Variants in EGLN3 observed in about 807,000 individuals in gnomAD.
EGLN3 encodes prolyl hydroxylase EGLN3.
Under a neutral mutation model 26.0 loss-of-function variants are expected in EGLN3, and 15 were observed. The observed-to-expected ratio is 0.58, with a 90% CI of 0.39 to 0.89. The LOEUF (loss-of-function observed/expected upper bound fraction) is 0.89, where lower values mean the gene tolerates loss of function less well. Among genes scored for constraint, EGLN3 ranks in the 40% least tolerant of loss-of-function variants. EGLN3 has a pLI of 0.00. For missense variants in EGLN3, 238 were observed against 311.6 expected (o/e 0.76, Z 1.78); for synonymous variants, 147 against 127.2 (o/e 1.16, Z -1.05).
In EGLN3 at chr14:33,950,979, A is replaced by C; in HGVS notation, c.-227T>G. 3.6e-6 allele frequency: 2 copies of C among 555,766 alleles called. No homozygotes were observed. Among genetic ancestry groups the C allele is most frequent in the Non-Finnish European group, 6.4e-6 (2 of 314,946 alleles). 34.4% of individuals were successfully genotyped at this position (555,766 alleles called of 1,614,324 possible). A position where few individuals can be genotyped will look rare whatever the true frequency, so the allele number is the denominator to read the frequency against. On this transcript the variant is annotated 5_prime_UTR_variant, in exon 1 of 5. Transcript: ENST00000250457. The stretch of plus-strand genomic sequence containing the variant: ...AGCGGGAGTGGTGCGGAGCTCCACG[A>C]CCCGTTTCCGGACTGGCCCGGCGAG...
intron 1 of EGLN3, among the ~76,000 whole-genome samples, chr14:33,933,798 G>A (rs1215980218): frequency 3.3e-5 from 5 of 151,874 alleles, no homozygotes; most frequent in Admixed American, 6.6e-5. Context: ...AACAAACTCC[G>A]GAAACAGATC....
chr14:33,929,225 A>G lies in EGLN3; in HGVS notation c.478-13T>C. Reference sequence around the variant, plus strand: ...TCCCACCATGTAGCTGAAAGACACAAAGAAGGGGGATTATTTCTTACCTCT... The same window carrying G: ...TCCCACCATGTAGCTGAAAGACACAGAGAAGGGGGATTATTTCTTACCTCT... On this transcript the variant is annotated splice_polypyrimidine_tract_variant and intron_variant, in intron 2 of 4. Transcript: ENST00000250457. 1 of 1,613,644 alleles carries G rather than the reference A, an allele frequency of 6.2e-7. No individual in the cohort carries two copies. The highest frequency in any genetic ancestry group is 8.5e-7 in the Non-Finnish European group (1 of 1,179,818).
At position 33,927,251 on chromosome 14, in the gene EGLN3, C is replaced by T. The variant is rs572370310; in HGVS notation, c.615-218G>A. ...AGGCGTGATCTCGGCTCACTGCAACCTCCACTTCCCAGGTTCAAGCGATTC... is the reference window on the plus strand; with the variant it reads ...AGGCGTGATCTCGGCTCACTGCAACTTCCACTTCCCAGGTTCAAGCGATTC... On this transcript the variant is annotated intron_variant, in intron 3 of 4. Transcript: ENST00000250457. Among the ~76,000 whole-genome samples, 5 of 151,860 alleles carry T rather than the reference C, an allele frequency of 3.3e-5. No homozygotes were observed. In the South Asian group the frequency reaches 1.0e-3, roughly 32 times the overall value.
intron 1 of EGLN3, 169 bp from the exon 2 acceptor site, chr14:33,931,384 G>T: frequency 1.1e-6 from 1 of 904,080 alleles, no homozygotes; most frequent in Non-Finnish European, 1.6e-6. Context: ...ACTCTTCTGT[G>T]CACAATGGCC....
At position 33,925,893 on chromosome 14, in the gene EGLN3, A is replaced by G; in HGVS notation, c.718T>C (p.Ter240ArgextTer12). ...GGCCAGCAGATTTCAGAGCACGGTCAGTCTTCAGTGAGGGCAGATTCAGTT... is the reference window on the plus strand; with the variant it reads ...GGCCAGCAGATTTCAGAGCACGGTCGGTCTTCAGTGAGGGCAGATTCAGTT... ...RKTESALTED[*>R] Residue 240 changes from the stop codon to arginine (R), a stop_lost, in exon 5 of 5, where the codon TGA becomes CGA. Transcript: ENST00000250457. The G allele has an allele frequency of 6.2e-7, 1 of 1,614,002 alleles. No individual in the cohort carries two copies. Among genetic ancestry groups the G allele is most frequent in the Non-Finnish European group, 8.5e-7 (1 of 1,179,928 alleles).
At position 33,925,778 on chromosome 14, in the gene EGLN3, A is replaced by C. The variant is rs1594373011; in HGVS notation, c.*113T>G. 1 of 1,221,322 alleles carries C rather than the reference A, an allele frequency of 8.2e-7. No homozygotes were observed. The allele number at this position is 1,221,322 out of a possible 1,614,324, so 75.7% of individuals were successfully genotyped here. ...AAGACAGGGATGTGAAGGATGCAAG[A>C]AGTAGCAGGGAGATTGTTGTCACTG... On this transcript the variant is annotated 3_prime_UTR_variant, in exon 5 of 5. Coordinates refer to ENST00000250457, the MANE Select transcript of EGLN3 (RefSeq NM_022073.4).
chr14:33,936,331 T>A (rs969924320), intron 1 of EGLN3, among the ~76,000 whole-genome samples: 1 of 152,182 alleles, frequency 6.6e-6, no homozygotes. Flanking sequence ...CAATGTAGAC[T>A]GTGATAGCTG....
intron 3 of EGLN3, 47 bp downstream of exon 3, chr14:33,929,029 G>A (rs746945800): frequency 6.2e-6 from 10 of 1,604,902 alleles, no homozygotes; most frequent in Non-Finnish European, 8.5e-6. Flanking sequence ...TGGAACTAGG[G>A]TTTGTACACC....
chr14:33,927,738 T>C (rs1331479358), intron 3 of EGLN3, among the ~76,000 whole-genome samples: 1 of 152,196 alleles, frequency 6.6e-6, no homozygotes, highest in South Asian at 2.1e-4. Context: ...GGCGAGAACA[T>C]AGAGAAGAGA....
chr14:33,926,244 A>G (rs2064361643), intron 4 of EGLN3, among the ~76,000 whole-genome samples: 1 of 152,136 alleles, frequency 6.6e-6, no homozygotes, highest in South Asian at 2.1e-4. Flanking sequence ...ACAAACTGAG[A>G]TTTCCTGGGT....
chr14:33,926,891 C>G, intron 4 of EGLN3, 69 bp downstream of exon 4: 1 of 1,189,420 alleles, frequency 8.4e-7, no homozygotes, highest in Admixed American at 2.1e-5. Context: ...ATGTTTAAAA[C>G]TACATAAAAT....
intron 1 of EGLN3, among the ~76,000 whole-genome samples, chr14:33,937,731 C>T (rs2064452411): frequency 1.3e-5 from 2 of 152,228 alleles, no homozygotes; most frequent in South Asian, 4.1e-4. Flanking sequence ...TCTCGCAGAA[C>T]CTACTTACCC....
rs79728820 is a variant in EGLN3 at position 33,947,063 on chromosome 14, T to C, written c.357+3333A>G. On this transcript the variant is annotated intron_variant, in intron 1 of 4. Transcript: ENST00000250457. Reference sequence around the variant, plus strand: ...GCTCAATAAAAGGTAGTTCTTCTTATTAGAGTCACTAACTAGTGAGTCTAC... The same window carrying C: ...GCTCAATAAAAGGTAGTTCTTCTTACTAGAGTCACTAACTAGTGAGTCTAC... Among the ~76,000 whole-genome samples, 104 of 152,352 alleles carry C rather than the reference T, an allele frequency of 6.8e-4. 1 individual carries two copies. The East Asian group carries it at 0.017, about 25-fold the overall frequency.
chr14:33,950,579 G>T lies in EGLN3; in HGVS notation c.174C>A (p.Asp58Glu). Reference sequence around the variant, plus strand: ...CGGCGCGCGGCCCCGCCAGCTGGCCGTCCCGCAGGGCCCCGGTGCAGTGCA... The same window carrying T: ...CGGCGCGCGGCCCCGCCAGCTGGCCTTCCCGCAGGGCCCCGGTGCAGTGCA... ...KQLHCTGALRDGQLAGPRAGV... is the reference protein window; with the variant it reads ...KQLHCTGALREGQLAGPRAGV... Residue 58 changes from aspartate (D) to glutamate (E), a missense_variant, in exon 1 of 5, where the codon GAC (aspartate) becomes GAA (glutamate). Coordinates refer to ENST00000250457, the MANE Select transcript of EGLN3 (RefSeq NM_022073.4). 4 of 1,612,154 alleles carry T rather than the reference G, an allele frequency of 2.5e-6. No individual in the cohort carries two copies. Among genetic ancestry groups the T allele is most frequent in the Non-Finnish European group, 3.4e-6 (4 of 1,179,102 alleles).
In EGLN3 at chr14:33,950,821, G is replaced by A; in HGVS notation, c.-69C>T. The A allele has an allele frequency of 1.4e-6, 2 of 1,406,640 alleles. No individual in the cohort carries two copies. The highest frequency in any genetic ancestry group is 1.9e-6 in the Non-Finnish European group (2 of 1,027,468). The allele number at this position is 1,406,640 out of a possible 1,614,324, so 87.1% of individuals were successfully genotyped here. On this transcript the variant is annotated 5_prime_UTR_variant, in exon 1 of 5. Transcript: ENST00000250457. ...GAGAGGGAACGATCTACACGAGCGC[G>A]AAGCCGAGGCGCGGGGAGCGTGGCC...
chr14:33,947,378 G>T (rs899576954), intron 1 of EGLN3, among the ~76,000 whole-genome samples: 1 of 152,076 alleles, frequency 6.6e-6, no homozygotes, highest in South Asian at 2.1e-4. Context: ...GCAAAGATGA[G>T]GTAGACAAAT....
At chr14:33,933,824 C>T (rs999282840) in intron 1 of EGLN3, among the ~76,000 whole-genome samples, 4 of 152,006 alleles carry the variant, frequency 2.6e-5, no homozygotes, top group African/African-American at 7.3e-5. Flanking sequence ...AACTGAGTTG[C>T]TATCTAAACC....
intron 1 of EGLN3, among the ~76,000 whole-genome samples, chr14:33,942,806 A>G (rs2064492381): frequency 6.6e-6 from 1 of 152,250 alleles, no homozygotes; most frequent in South Asian, 2.1e-4. Context: ...TGTTTAATAT[A>G]AGATAGGCAC....
In EGLN3 at chr14:33,924,922, G is replaced by A. The variant is rs1016123574; in HGVS notation, c.*969C>T. ...TTGCTTTTTTTGTGTTAAAGGGTGAGCTCATTAAAAAGGAAAACTAAAAAA... is the reference window on the plus strand; with the variant it reads ...TTGCTTTTTTTGTGTTAAAGGGTGAACTCATTAAAAAGGAAAACTAAAAAA... On this transcript the variant is annotated 3_prime_UTR_variant, in exon 5 of 5. Coordinates refer to ENST00000250457, the MANE Select transcript of EGLN3 (RefSeq NM_022073.4). 25 of 109,560 alleles carry A rather than the reference G, an allele frequency of 2.3e-4. No homozygotes were observed. Among genetic ancestry groups the A allele is most frequent in the Non-Finnish European group, 3.5e-4 (20 of 56,754 alleles). The allele number at this position is 109,560 out of a possible 1,614,324, so 6.8% of individuals were successfully genotyped here.
Sources: gnomAD v4.1 joint callset for allele counts (sites outside exome capture counted in the v4.1 genomes callset) on GRCh38, gnomAD v4.1.1 for gene constraint, MANE v1.5 for transcripts, NCBI Gene and HGNC (gene_info 2026-07-23, HGNC 2026-07-21) for gene names.